Variants in ADAMTSL1 observed in about 807,000 individuals in gnomAD.
The protein encoded by ADAMTSL1 is ADAMTS like 1.
A neutral mutation model predicts 201.8 loss-of-function variants in ADAMTSL1; 126 were observed. The ratio of observed to expected loss-of-function variants is 0.62; its 90% CI spans 0.54 to 0.72. ADAMTSL1 has a LOEUF of 0.72. Among genes scored for constraint, ADAMTSL1 ranks in the 30% least tolerant of loss-of-function variants. ADAMTSL1 has a pLI of 0.00. For missense variants in ADAMTSL1, 2,679 were observed against 2,277.8 expected, an observed-to-expected ratio of 1.18 and a Z score of -3.59; for synonymous variants, 1,121 against 903.4, an observed-to-expected ratio of 1.24 and a Z score of -4.32.
chr9:18,721,286 C>T (rs1587981745), intron 14 of ADAMTSL1, among the ~76,000 whole-genome samples: 1 of 152,210 alleles, frequency 6.6e-6, no homozygotes, highest in African/African-American at 2.4e-5. Context: ...GTAGCAGCCT[C>T]TCTTCTGTGG....
chr9:18,245,110 C>T (rs1831209914), intron 2 of ADAMTSL1, among the ~76,000 whole-genome samples: 1 of 152,098 alleles, frequency 6.6e-6, no homozygotes, highest in African/African-American at 2.4e-5. Flanking sequence ...GGTGTTAGAT[C>T]AGGGAATTCC....
intron 8 of ADAMTSL1, among the ~76,000 whole-genome samples, 157 bp downstream of exon 8, chr9:18,657,907 G>A (rs1283279453): frequency 6.6e-6 from 1 of 151,984 alleles, no homozygotes; most frequent in Non-Finnish European, 1.5e-5. Flanking sequence ...CCTCCTGTAA[G>A]GCAGATACCT....
chr9:18,355,935 C>T (rs866324062), intron 2 of ADAMTSL1, among the ~76,000 whole-genome samples: 24 of 152,214 alleles, frequency 1.6e-4, no homozygotes, highest in African/African-American at 4.6e-4. Flanking sequence ...CAGCCAGTGA[C>T]GCCCTGCCTG....
intron 22 of ADAMTSL1, among the ~76,000 whole-genome samples, chr9:18,829,640 CA>C (rs1563836955): frequency 6.6e-6 from 1 of 152,182 alleles, no homozygotes; most frequent in East Asian, 1.9e-4. Flanking sequence ...TTTCAGGCAT[CA>C]AATACCTGTA....
chr9:18,810,110 A>G (rs1474658796), intron 20 of ADAMTSL1, among the ~76,000 whole-genome samples: 1 of 152,178 alleles, frequency 6.6e-6, no homozygotes, highest in Non-Finnish European at 1.5e-5. Flanking sequence ...GTGCTAATTC[A>G]GTATCATTCC....
At chr9:18,779,886 T>C (rs1821284853) in intron 19 of ADAMTSL1, among the ~76,000 whole-genome samples, 1 of 152,210 alleles carries the variant, frequency 6.6e-6, no homozygotes, top group South Asian at 2.1e-4. Flanking sequence ...GTTTTATTTC[T>C]ATCCCCTGGG....
At chr9:18,680,557 C>T (rs1830409102) in intron 11 of ADAMTSL1, 41 bp downstream of exon 11, 2 of 1,599,396 alleles carry the variant, frequency 1.3e-6, no homozygotes. Context: ...GAGAGTAAGT[C>T]CACTCTTCCC....
At chr9:18,565,096 G>C (rs969734189) in intron 3 of ADAMTSL1, among the ~76,000 whole-genome samples, 2 of 152,146 alleles carry the variant, frequency 1.3e-5, no homozygotes, top group Non-Finnish European at 2.9e-5. Context: ...CAAACCATTT[G>C]TTTTCAGATA....
chr9:18,327,269 T>C (rs2132885873), intron 2 of ADAMTSL1, among the ~76,000 whole-genome samples: 1 of 152,342 alleles, frequency 6.6e-6, no homozygotes, highest in East Asian at 1.9e-4. Context: ...GATTTATGGG[T>C]GTTTGGCATG....
chr9:18,758,995 G>C (rs1819919423), intron 16 of ADAMTSL1, among the ~76,000 whole-genome samples: 1 of 151,990 alleles, frequency 6.6e-6, no homozygotes, highest in South Asian at 2.1e-4. Flanking sequence ...ATTGAAACAA[G>C]GAATTAAAGA....
chr9:18,857,697 G>A (rs1320816443), intron 23 of ADAMTSL1, among the ~76,000 whole-genome samples: 2 of 152,144 alleles, frequency 1.3e-5, no homozygotes, highest in Non-Finnish European at 2.9e-5. Context: ...CGTCTTTTGT[G>A]AGGAGGTCCC....
intron 1 of ADAMTSL1, among the ~76,000 whole-genome samples, chr9:17,940,243 C>A (rs1167415007): frequency 6.6e-6 from 1 of 151,978 alleles, no homozygotes; most frequent in African/African-American, 2.4e-5. Context: ...AGATTGTAAC[C>A]TTTACGTCAT....
intron 1 of ADAMTSL1, among the ~76,000 whole-genome samples, chr9:17,950,509 A>G (rs1039872621): frequency 1.6e-4 from 24 of 151,328 alleles, no homozygotes; most frequent in Admixed American, 3.9e-4. Flanking sequence ...ATGATTGTAT[A>G]TATTTTTAAA....
At chr9:18,066,774 TG>T (rs1822720395) in intron 1 of ADAMTSL1, among the ~76,000 whole-genome samples, 1 of 152,180 alleles carries the variant, frequency 6.6e-6, no homozygotes, top group South Asian at 2.1e-4. Flanking sequence ...TAAGAAAATG[TG>T]GCACATATAC....
intron 2 of ADAMTSL1, among the ~76,000 whole-genome samples, chr9:18,344,989 G>T (rs1410728833): frequency 8.5e-5 from 13 of 152,098 alleles, no homozygotes; most frequent in Non-Finnish European, 1.8e-4. Context: ...AAGCTCAAAG[G>T]CATGGTCCTG....
chr9:18,112,424 G>A (rs1469935971), intron 1 of ADAMTSL1, among the ~76,000 whole-genome samples: 6 of 151,898 alleles, frequency 4.0e-5, no homozygotes, highest in Non-Finnish European at 5.9e-5. Flanking sequence ...CAGAGATTTC[G>A]AGGGGCTGAG....
intron 1 of ADAMTSL1, among the ~76,000 whole-genome samples, chr9:18,038,876 C>T (rs1389135186): frequency 2.6e-5 from 4 of 152,192 alleles, no homozygotes; most frequent in East Asian, 1.9e-4. Flanking sequence ...CATAACTTCC[C>T]ACATAGCTGA....
intron 1 of ADAMTSL1, among the ~76,000 whole-genome samples, chr9:18,147,350 G>A (rs1417772131): frequency 7.2e-5 from 11 of 152,084 alleles, no homozygotes; most frequent in Non-Finnish European, 1.6e-4. Context: ...AGGAAAAAAG[G>A]TGGCTTAGCA....
intron 1 of ADAMTSL1, among the ~76,000 whole-genome samples, chr9:17,952,496 T>C (rs1390057100): frequency 6.6e-6 from 1 of 152,176 alleles, no homozygotes; most frequent in East Asian, 1.9e-4. Flanking sequence ...TTTGCTCTCA[T>C]ACCCAGGTTC....
Sources: gnomAD v4.1 joint callset for allele counts (sites outside exome capture counted in the v4.1 genomes callset) on GRCh38, gnomAD v4.1.1 for gene constraint, MANE v1.5 for transcripts, NCBI Gene and HGNC (gene_info 2026-07-23, HGNC 2026-07-21) for gene names.